The following KCNK10 variants were observed in gnomAD, a reference collection of about 807,000 sequenced individuals.
The protein encoded by KCNK10 is potassium channel subfamily K member 10.
KCNK10 carries 25 observed loss-of-function variants against 47.7 expected under a neutral mutation model. That is an observed-to-expected ratio of 0.52 (90% CI 0.38 to 0.73). The LOEUF is 0.73. Among genes scored for constraint, KCNK10 ranks in the 30% least tolerant of loss-of-function variants. The probability of loss-of-function intolerance (pLI) is 0.00; values close to 1 mark genes in which losing one functional copy is unlikely to be tolerated. For missense variants in KCNK10, 563 were observed against 714.5 expected, an observed-to-expected ratio of 0.79 and a Z score of 2.42; for synonymous variants, 303 against 285.6, an observed-to-expected ratio of 1.06 and a Z score of -0.61.
At chr14:88,299,176 TTA>T (rs1284260038) in intron 1 of KCNK10, among the ~76,000 whole-genome samples, 1 of 152,242 alleles carries the variant, frequency 6.6e-6, no homozygotes, top group African/African-American at 2.4e-5. Flanking sequence ...TTTAATTTCC[TTA>T]ATATCTGCAA....
intron 4 of KCNK10, among the ~76,000 whole-genome samples, chr14:88,197,388 A>T (rs1198073017): frequency 6.6e-6 from 1 of 151,878 alleles, no homozygotes; most frequent in East Asian, 1.9e-4. Context: ...CCTGGCCAAC[A>T]TGGGGAAACC....
At chr14:88,225,859 A>T (rs1885967522) in intron 4 of KCNK10, among the ~76,000 whole-genome samples, 1 of 152,212 alleles carries the variant, frequency 6.6e-6, no homozygotes, top group African/African-American at 2.4e-5. Flanking sequence ...GTTTAGGAAG[A>T]ACTAAACATC....
chr14:88,250,445 C>A (rs900689129), intron 2 of KCNK10, among the ~76,000 whole-genome samples: 1 of 152,116 alleles, frequency 6.6e-6, no homozygotes, highest in African/African-American at 2.4e-5. Flanking sequence ...TCAAAGAACC[C>A]GAACCTGCAC....
At chr14:88,253,049 G>C (rs1886843716) in intron 2 of KCNK10, among the ~76,000 whole-genome samples, 1 of 152,116 alleles carries the variant, frequency 6.6e-6, no homozygotes, top group Admixed American at 6.5e-5. Flanking sequence ...GTCCTGCTTT[G>C]GTCACTAGCT....
chr14:88,203,395 C>T (rs1470870013), intron 4 of KCNK10, among the ~76,000 whole-genome samples: 1 of 152,174 alleles, frequency 6.6e-6, no homozygotes, highest in Admixed American at 6.5e-5. Context: ...AGCTAAGCTG[C>T]CTGCCTGCAA....
At chr14:88,229,846 T>C (rs746500340) in intron 3 of KCNK10, among the ~76,000 whole-genome samples, 4 of 152,172 alleles carry the variant, frequency 2.6e-5, no homozygotes, top group Non-Finnish European at 5.9e-5. Flanking sequence ...ATTTCTGGAT[T>C]TGGGGATCTA....
At chr14:88,326,259 A>G (rs1888661019), upstream of KCNK10, among the ~76,000 whole-genome samples, 1 of 150,180 alleles carries the variant, frequency 6.7e-6, no homozygotes, top group South Asian at 2.1e-4. Flanking sequence ...CTGAAATCAA[A>G]CACAACTCCT....
Position 88,185,246 on chromosome 14 carries a change from G to A in KCNK10, c.*289C>T, listed in dbSNP as rs907892586. 2 of 377,698 alleles carry A rather than the reference G, an allele frequency of 5.3e-6. No homozygotes were observed. Among genetic ancestry groups the A allele is most frequent in the African/African-American group, 2.1e-5 (1 of 48,580 alleles). 23.4% of individuals were successfully genotyped at this position (377,698 alleles called of 1,614,324 possible). Reference sequence around the variant, plus strand: ...GTGTGTGCCCAGGTAGCACTGCCCAGGGGTACAGCACTGCCACTGAAATGC... The same window carrying A: ...GTGTGTGCCCAGGTAGCACTGCCCAAGGGTACAGCACTGCCACTGAAATGC... On this transcript the variant is annotated 3_prime_UTR_variant, in exon 7 of 7. Coordinates refer to ENST00000319231, the MANE Select transcript of KCNK10 (RefSeq NM_138317.3). The surrounding 1 kb of genome is among the most constrained non-coding windows in gnomAD (Gnocchi z 4.3).
At chr14:88,188,253 G>T (rs779944141) in intron 5 of KCNK10, 144 bp from the exon 6 acceptor site, 12 of 991,652 alleles carry the variant, frequency 1.2e-5, no homozygotes, top group Non-Finnish European at 1.7e-5. Flanking sequence ...GGTGGACCGG[G>T]GTTAGAGGGC....
Position 88,299,037 on chromosome 14 carries a change from C to T in KCNK10, c.52+23710G>A, listed in dbSNP as rs367948743. 5.9e-5 allele frequency among the ~76,000 whole-genome samples: 9 copies of T among 152,290 alleles called. No individual in the cohort carries two copies. In the South Asian group the frequency reaches 1.9e-3, roughly 32 times the overall value. ...TCTTCTAGGAAGCCTTCCCTGGTCCCCAAAGCTGGCTATAAACTCTTCCTC... is the reference window on the plus strand; with the variant it reads ...TCTTCTAGGAAGCCTTCCCTGGTCCTCAAAGCTGGCTATAAACTCTTCCTC... On this transcript the variant is annotated intron_variant, in intron 1 of 6. Transcript: ENST00000319231.
chr14:88,326,444 G>A (rs1888664162), upstream of KCNK10: 3 of 1,613,360 alleles, frequency 1.9e-6, no homozygotes, highest in Admixed American at 3.3e-5. Context: ...AGTCTGTGTA[G>A]AGAAAAAACA....
intron 1 of KCNK10, among the ~76,000 whole-genome samples, chr14:88,280,549 G>A (rs1254016805): frequency 6.6e-6 from 1 of 152,034 alleles, no homozygotes; most frequent in East Asian, 1.9e-4. Flanking sequence ...GATACCTCAG[G>A]TGTGTCTCAT....
chr14:88,240,893 AGGTTCC>A, intron 2 of KCNK10, 73 bp from the exon 3 acceptor site: 2 of 842,596 alleles, frequency 2.4e-6, no homozygotes, highest in Non-Finnish European at 3.8e-6. Flanking sequence ...AAAAAAAAAA[AGGTTCC>A]AATACATTAT....
chr14:88,316,040 G>A (rs528200942), intron 1 of KCNK10, among the ~76,000 whole-genome samples: 5 of 152,156 alleles, frequency 3.3e-5, no homozygotes, highest in South Asian at 2.1e-4. Flanking sequence ...CCATGGAAAG[G>A]GTAAGTGATG....
chr14:88,301,249 T>C (rs1198900090), intron 1 of KCNK10, among the ~76,000 whole-genome samples: 1 of 152,194 alleles, frequency 6.6e-6, no homozygotes, highest in Admixed American at 6.5e-5. Context: ...CAATAAATGT[T>C]AGTTATCACT....
In KCNK10 at chr14:88,209,857, C is replaced by A. The variant is rs565722708; in HGVS notation, c.682-17447G>T. ...ACAATCAATAAATATTTACTGAACA[C>A]CTCCAAAGCACTTAGCACTGAGCAG... is the stretch of plus-strand genomic sequence containing the variant. On this transcript the variant is annotated intron_variant, in intron 4 of 6. Coordinates refer to ENST00000319231, the MANE Select transcript of KCNK10 (RefSeq NM_138317.3). Among the ~76,000 whole-genome samples the A allele has an allele frequency of 3.9e-5, 6 of 152,308 alleles. No individual in the cohort carries two copies. In the South Asian group the frequency reaches 1.2e-3, roughly 32 times the overall value.
chr14:88,256,927 A>C (rs1886973421), intron 2 of KCNK10, among the ~76,000 whole-genome samples: 1 of 152,166 alleles, frequency 6.6e-6, no homozygotes, highest in African/African-American at 2.4e-5. Flanking sequence ...ACAGAAGAGC[A>C]GTGAGGCCGG....
At chr14:88,313,891 C>T (rs563787781) in intron 1 of KCNK10, among the ~76,000 whole-genome samples, 2 of 152,332 alleles carry the variant, frequency 1.3e-5, no homozygotes, top group East Asian at 3.9e-4. Context: ...TGCAAACTGA[C>T]TTTACCATGA....
chr14:88,191,799 C>T (rs569663416), intron 5 of KCNK10, among the ~76,000 whole-genome samples: 1 of 152,306 alleles, frequency 6.6e-6, no homozygotes, highest in South Asian at 2.1e-4. Context: ...ATGGCTCTCA[C>T]CTGGGAGTCA....
Sources: gnomAD v4.1 joint callset for allele counts (sites outside exome capture counted in the v4.1 genomes callset) on GRCh38, gnomAD v4.1.1 for gene constraint, Gnocchi (gnomAD v3.1) non-coding constraint, MANE v1.5 for transcripts, NCBI Gene and HGNC (gene_info 2026-07-23, HGNC 2026-07-21) for gene names.